Variants in TIMP2 observed in about 807,000 individuals in gnomAD.
The protein encoded by TIMP2 is TIMP metallopeptidase inhibitor 2, also known as metalloproteinase inhibitor 2.
In TIMP2, 5 loss-of-function variants were observed where a neutral mutation model predicts 24.3. The ratio of observed to expected loss-of-function variants is 0.21; its 90% confidence interval spans 0.11 to 0.43. TIMP2 has a LOEUF of 0.43. Ranked by LOEUF, TIMP2 falls within the 20% of genes least tolerant of loss-of-function variation. TIMP2 has a pLI of 1.00. For missense variants in TIMP2, 221 were observed against 297.5 expected (o/e 0.74, Z 1.89); for synonymous variants, 130 against 123.2 (o/e 1.06, Z -0.37).
At chr17:78,910,569 T>A (rs2070198850) in intron 1 of TIMP2, among the ~76,000 whole-genome samples, 1 of 152,198 alleles carries the variant, frequency 6.6e-6, no homozygotes, top group South Asian at 2.1e-4. Flanking sequence ...TTTTGTATCC[T>A]TTAACAAATC....
At position 78,901,808 on chromosome 17, in the gene TIMP2, G is replaced by C. The variant is rs745610777; in HGVS notation, c.130+23151C>G. On this transcript the variant is annotated intron_variant, in intron 1 of 4. Transcript: ENST00000262768. ...ACTGTGTGTGTCTCCAGATGACTGAGCTAGACCACCCAGAACACATTACAG... is the reference window on the plus strand; with the variant it reads ...ACTGTGTGTGTCTCCAGATGACTGACCTAGACCACCCAGAACACATTACAG... 5 of 717,208 alleles carry C rather than the reference G, an allele frequency of 7.0e-6. No homozygotes were observed. In the South Asian group the frequency reaches 7.4e-5, roughly 11 times the overall value. The allele number at this position is 717,208 out of a possible 1,614,324, so 44.4% of individuals were successfully genotyped here.
At chr17:78,922,553 C>A (rs547691852) in intron 1 of TIMP2, among the ~76,000 whole-genome samples, 2 of 152,360 alleles carry the variant, frequency 1.3e-5, no homozygotes, top group African/African-American at 4.8e-5. Context: ...CGCGGTGGCT[C>A]ACGCCTATAA....
At chr17:78,867,174 T>C (rs931107231) in intron 3 of TIMP2, among the ~76,000 whole-genome samples, 4 of 152,110 alleles carry the variant, frequency 2.6e-5, no homozygotes, top group African/African-American at 9.7e-5. Flanking sequence ...GGCACGAGAA[T>C]TGCCCAGGAG....
chr17:78,871,181 A>G (rs2069680140), intron 2 of TIMP2, among the ~76,000 whole-genome samples, 175 bp from the exon 3 acceptor site: 1 of 152,136 alleles, frequency 6.6e-6, no homozygotes, highest in Admixed American at 6.6e-5. Flanking sequence ...AGCTGGGCTC[A>G]GGGCTCATGG....
rs1028234248 is a variant in TIMP2 at position 78,896,676 on chromosome 17, C to T, written c.131-22757G>A. Among the ~76,000 whole-genome samples, 2 of 152,156 alleles carry T rather than the reference C, an allele frequency of 1.3e-5. No individual in the cohort carries two copies. Among genetic ancestry groups the T allele is most frequent in the Non-Finnish European group, 2.9e-5 (2 of 68,024 alleles). On this transcript the variant is annotated intron_variant, in intron 1 of 4. Transcript: ENST00000262768. The surrounding 1 kb of genome is among the most constrained non-coding windows in gnomAD (Gnocchi z 4.4). Reference sequence around the variant, plus strand: ...CTTCTGCTGGCTGCCTTCAACCACTCAGAGAAACCACAGCTCCCCCCTCCG... The same window carrying T: ...CTTCTGCTGGCTGCCTTCAACCACTTAGAGAAACCACAGCTCCCCCCTCCG...
intron 3 of TIMP2, among the ~76,000 whole-genome samples, chr17:78,867,080 G>A (rs1359128426): frequency 1.3e-5 from 2 of 152,264 alleles, no homozygotes; most frequent in Non-Finnish European, 2.9e-5. Context: ...GGCCAACATG[G>A]TGAAACCCCG....
chr17:78,864,972 T>G (rs1438298422), intron 3 of TIMP2, among the ~76,000 whole-genome samples: 1 of 152,128 alleles, frequency 6.6e-6, no homozygotes, highest in Non-Finnish European at 1.5e-5. Context: ...GAAAATTGCT[T>G]GAACCTGGGG....
chr17:78,911,119 C>T (rs1432249949), intron 1 of TIMP2, among the ~76,000 whole-genome samples: 1 of 152,192 alleles, frequency 6.6e-6, no homozygotes, highest in Admixed American at 6.5e-5. Flanking sequence ...CTGAGCTGGG[C>T]CTTTCTGATC....
rs1308174604 is a variant in TIMP2 at position 78,924,466 on chromosome 17, G to A, written c.130+493C>T. The stretch of plus-strand genomic sequence containing the variant: ...GCTTCCATCCCACCCTGGCTTGATC[G>A]GGGAGCCCCCAAATGGGGCTGGTGG... On this transcript the variant is annotated intron_variant, in intron 1 of 4. Coordinates refer to ENST00000262768, the MANE Select transcript of TIMP2 (RefSeq NM_003255.5). This position sits in a 1 kb window ranked among gnomAD's most constrained non-coding sequence, Gnocchi z 5.3. Among the ~76,000 whole-genome samples, 1 of 152,212 alleles carries A rather than the reference G, an allele frequency of 6.6e-6. No homozygotes were observed. Among genetic ancestry groups the A allele is most frequent in the Admixed American group, 6.5e-5 (1 of 15,280 alleles).
At chr17:78,863,780 A>G (rs1034949156) in intron 3 of TIMP2, among the ~76,000 whole-genome samples, 12 of 152,114 alleles carry the variant, frequency 7.9e-5, no homozygotes, top group African/African-American at 2.7e-4. Flanking sequence ...AAGACATAAA[A>G]TTATCAGCTA....
At chr17:78,874,051 A>G (rs2069708573) in intron 1 of TIMP2, 132 bp from the exon 2 acceptor site, 7 of 713,870 alleles carry the variant, frequency 9.8e-6, no homozygotes, top group Admixed American at 5.0e-5. Context: ...CGAGACGGGC[A>G]AGGGGCATGG....
At position 78,862,937 on chromosome 17, in the gene TIMP2, C is replaced by T. The variant is rs146787278; in HGVS notation, c.341-5291G>A. 5.0e-3 allele frequency among the ~76,000 whole-genome samples: 762 copies of T among 152,318 alleles called. 10 individuals are homozygous for T. The highest frequency in any genetic ancestry group is 0.017 in the African/African-American group (721 of 41,574). On this transcript the variant is annotated intron_variant, in intron 3 of 4. Coordinates refer to ENST00000262768, the MANE Select transcript of TIMP2 (RefSeq NM_003255.5). ...GTAGTATTCCGTAGTATATATACAC[C>T]ACATTTCTTTATCCAAGTCACCATT... is the stretch of plus-strand genomic sequence containing the variant.
intron 1 of TIMP2, among the ~76,000 whole-genome samples, chr17:78,889,671 G>C (rs947913232): frequency 6.6e-6 from 1 of 152,162 alleles, no homozygotes; most frequent in Admixed American, 6.5e-5. Flanking sequence ...TGTGCCTGTG[G>C]CCCCTGAAAA....
At chr17:78,868,342 C>G (rs1227580506) in intron 3 of TIMP2, among the ~76,000 whole-genome samples, 17 of 152,108 alleles carry the variant, frequency 1.1e-4, no homozygotes, top group Non-Finnish European at 5.9e-5. Context: ...TCTCTGCCTC[C>G]TGGGTTCAAA....
At chr17:78,917,865 G>A (rs1301520542) in intron 1 of TIMP2, among the ~76,000 whole-genome samples, 4 of 152,162 alleles carry the variant, frequency 2.6e-5, no homozygotes, top group African/African-American at 9.7e-5. Context: ...GAATGAGGGT[G>A]GAAGAGGAGA....
chr17:78,871,966 G>A lies in TIMP2; in HGVS notation c.232-960C>T, dbSNP rs11656355. Among the ~76,000 whole-genome samples the A allele has an allele frequency of 4.2e-3, 633 of 152,030 alleles. 1 individual carries two copies. Among genetic ancestry groups the A allele is most frequent in the Admixed American group, 7.1e-3 (108 of 15,240 alleles). ...TGGGGAGGGGCTTTTGTACCTCCACGTGACTCTGGACCACCATGAAGGACC... is the reference window on the plus strand; with the variant it reads ...TGGGGAGGGGCTTTTGTACCTCCACATGACTCTGGACCACCATGAAGGACC... On this transcript the variant is annotated intron_variant, in intron 2 of 4. Transcript: ENST00000262768.
chr17:78,907,764 C>T (rs2070173964), intron 1 of TIMP2, among the ~76,000 whole-genome samples: 1 of 152,084 alleles, frequency 6.6e-6, no homozygotes, highest in African/African-American at 2.4e-5. Flanking sequence ...ACAGGTGCAC[C>T]CATGGAATTC....
chr17:78,891,894 G>T lies in TIMP2; in HGVS notation c.131-17975C>A. On this transcript the variant is annotated intron_variant, in intron 1 of 4. Coordinates refer to ENST00000262768, the MANE Select transcript of TIMP2 (RefSeq NM_003255.5). This position sits in a 1 kb window ranked among gnomAD's most constrained non-coding sequence, Gnocchi z 4.5. ...CGACCCGTGGCTTTTGTAGTCTGTGGTTTCTCTGGACTCGCTGCTGTCTTC... is the reference window on the plus strand; with the variant it reads ...CGACCCGTGGCTTTTGTAGTCTGTGTTTTCTCTGGACTCGCTGCTGTCTTC... The T allele has an allele frequency of 6.4e-7, 1 of 1,550,620 alleles. No homozygotes were observed. The highest frequency in any genetic ancestry group is 8.7e-7 in the Non-Finnish European group (1 of 1,147,004).
chr17:78,878,199 C>G (rs2069745550), intron 1 of TIMP2, among the ~76,000 whole-genome samples: 1 of 152,204 alleles, frequency 6.6e-6, no homozygotes, highest in South Asian at 2.1e-4. Flanking sequence ...CAGGTGGCAG[C>G]TGGGCACTTA....
Sources: allele counts gnomAD v4.1 joint callset (sites outside exome capture counted in the v4.1 genomes callset), GRCh38; gene constraint gnomAD v4.1.1; non-coding constraint Gnocchi (gnomAD v3.1); transcripts MANE v1.5; gene names NCBI Gene and HGNC (gene_info 2026-07-23, HGNC 2026-07-21).